LRMDA: variants seen among roughly 807,000 people sequenced by gnomAD.
The protein encoded by LRMDA is leucine rich melanocyte differentiation associated, also known as leucine-rich melanocyte differentiation-associated protein.
Under a neutral mutation model 29.8 loss-of-function variants are expected in LRMDA, and 18 were observed. The observed-to-expected ratio is 0.60, with a 90% CI of 0.42 to 0.90. The LOEUF is 0.90. LRMDA is among the 40% of genes least tolerant of loss of function. The pLI is 0.00. For synonymous variants in LRMDA, 125 were observed against 109.4 expected (o/e 1.14, Z -0.89); for missense variants, 273 against 273.9 (o/e 1.00, Z 0.02).
intron 5 of LRMDA, among the ~76,000 whole-genome samples, chr10:76,279,609 G>A (rs566306011): frequency 1.4e-3 from 200 of 139,188 alleles, no homozygotes; most frequent in African/African-American, 5.0e-3. Context: ...GCAATGGCAC[G>A]ATCTTGGCTC....
At chr10:76,325,841 T>C (rs1322059710) in intron 6 of LRMDA, among the ~76,000 whole-genome samples, 2 of 152,226 alleles carry the variant, frequency 1.3e-5, no homozygotes, top group Admixed American at 6.5e-5. Flanking sequence ...AAATATCATC[T>C]GTCATTTTTA....
chr10:76,510,470 G>A, intron 6 of LRMDA, among the ~76,000 whole-genome samples: 1 of 152,212 alleles, frequency 6.6e-6, no homozygotes, highest in Non-Finnish European at 1.5e-5. Flanking sequence ...GCAGAAAAAT[G>A]AGCCATGATG....
intron 2 of LRMDA, among the ~76,000 whole-genome samples, chr10:75,885,232 T>C (rs1378643532): frequency 1.3e-5 from 2 of 152,116 alleles, no homozygotes; most frequent in African/African-American, 4.8e-5. Context: ...TTGCTCTCTG[T>C]TTGTTTGATT....
chr10:75,661,336 G>A (rs1173996792), intron 2 of LRMDA, among the ~76,000 whole-genome samples: 1 of 152,220 alleles, frequency 6.6e-6, no homozygotes, highest in Admixed American at 6.5e-5. Context: ...TTCTTGCCGT[G>A]AGTGGGAGTT....
intron 6 of LRMDA, among the ~76,000 whole-genome samples, chr10:76,393,800 T>C (rs987800509): frequency 6.6e-6 from 1 of 152,198 alleles, no homozygotes; most frequent in African/African-American, 2.4e-5. Context: ...TCAGGTCTTA[T>C]GTTGAAGTCT....
chr10:75,769,324 C>G (rs1484858486), intron 2 of LRMDA, among the ~76,000 whole-genome samples: 1 of 152,166 alleles, frequency 6.6e-6, no homozygotes, highest in Non-Finnish European at 1.5e-5. Context: ...GTGAAAATCT[C>G]TTAATTGCAA....
At chr10:75,790,933 G>T (rs1055172789) in intron 2 of LRMDA, among the ~76,000 whole-genome samples, 2 of 152,178 alleles carry the variant, frequency 1.3e-5, no homozygotes, top group Non-Finnish European at 2.9e-5. Flanking sequence ...ACCAAATAGG[G>T]TTTTCTTCTG....
chr10:76,065,305 C>T (rs1848765239), intron 5 of LRMDA, among the ~76,000 whole-genome samples: 1 of 152,170 alleles, frequency 6.6e-6, no homozygotes, highest in Non-Finnish European at 1.5e-5. Flanking sequence ...AAATAGAGCA[C>T]TGCAGGAAAG....
At chr10:76,303,074 C>T (rs1369035896) in intron 5 of LRMDA, among the ~76,000 whole-genome samples, 1 of 152,192 alleles carries the variant, frequency 6.6e-6, no homozygotes, top group East Asian at 1.9e-4. Context: ...CAACAGCATT[C>T]CTGTGCTTTA....
intron 2 of LRMDA, among the ~76,000 whole-genome samples, chr10:75,714,875 C>T (rs1317370909): frequency 7.4e-6 from 1 of 135,616 alleles, no homozygotes; most frequent in Non-Finnish European, 1.6e-5. Flanking sequence ...TCCTTCCTTC[C>T]TTCCTTCTTT....
At position 75,448,368 on chromosome 10, in the gene LRMDA, C is replaced by G. The variant is rs560039985; in HGVS notation, c.131+9874C>G. On this transcript the variant is annotated intron_variant, in intron 2 of 6. Coordinates refer to ENST00000611255, the MANE Select transcript of LRMDA (RefSeq NM_001305581.2). ...AATTTGGGCCGCACTGCCCCACCCT[C>G]TCCCTCTGCCCTGCTGTCTGTTCTG... Among the ~76,000 whole-genome samples the G allele has an allele frequency of 8.9e-4, 135 of 152,310 alleles. 2 individuals are homozygous for G. The South Asian group carries it at 0.027, about 31-fold the overall frequency.
chr10:76,253,651 T>C (rs1852527979), intron 5 of LRMDA, among the ~76,000 whole-genome samples: 1 of 152,170 alleles, frequency 6.6e-6, no homozygotes, highest in Non-Finnish European at 1.5e-5. Flanking sequence ...TTTTTTACAA[T>C]TTTAGTGTCA....
chr10:76,033,370 G>A (rs940937534), intron 2 of LRMDA, among the ~76,000 whole-genome samples: 4 of 152,194 alleles, frequency 2.6e-5, no homozygotes, highest in Non-Finnish European at 5.9e-5. Flanking sequence ...AACCAGACAG[G>A]TGACAGGGGA....
intron 5 of LRMDA, among the ~76,000 whole-genome samples, chr10:76,286,645 G>T (rs1320415083): frequency 6.6e-6 from 1 of 152,140 alleles, no homozygotes; most frequent in African/African-American, 2.4e-5. Flanking sequence ...GCCTAGGAAA[G>T]CTTCAAAGAT....
At chr10:76,309,918 A>G (rs1840608352) in intron 5 of LRMDA, among the ~76,000 whole-genome samples, 1 of 152,210 alleles carries the variant, frequency 6.6e-6, no homozygotes, top group Admixed American at 6.5e-5. Context: ...ATCCTGTGTT[A>G]CCATTAAAGA....
At chr10:76,396,220 C>T (rs1841782036) in intron 6 of LRMDA, among the ~76,000 whole-genome samples, 1 of 152,138 alleles carries the variant, frequency 6.6e-6, no homozygotes, top group South Asian at 2.1e-4. Context: ...GGTAGGGAGG[C>T]AGTGGGGGAC....
chr10:76,068,872 G>A (rs567052948), intron 5 of LRMDA, among the ~76,000 whole-genome samples: 41 of 152,280 alleles, frequency 2.7e-4, no homozygotes, highest in African/African-American at 9.4e-4. Context: ...GCAAGTAATG[G>A]CACCCCGTTC....
intron 5 of LRMDA, among the ~76,000 whole-genome samples, chr10:76,281,736 A>G (rs1840208902): frequency 6.6e-6 from 1 of 152,126 alleles, no homozygotes; most frequent in Non-Finnish European, 1.5e-5. Flanking sequence ...CAGACCCCTA[A>G]ATCCTCCCAA....
chr10:76,316,559 G>A (rs1160462985), intron 5 of LRMDA, among the ~76,000 whole-genome samples: 2 of 152,182 alleles, frequency 1.3e-5, no homozygotes, highest in Non-Finnish European at 2.9e-5. Flanking sequence ...AAGGCGCCAC[G>A]GGCCACAGAC....
Sources: gnomAD v4.1 joint callset for allele counts (sites outside exome capture counted in the v4.1 genomes callset) on GRCh38, gnomAD v4.1.1 for gene constraint, MANE v1.5 for transcripts, NCBI Gene and HGNC (gene_info 2026-07-23, HGNC 2026-07-21) for gene names.